Variants in ITK observed in about 807,000 individuals in gnomAD.
ITK encodes IL2 inducible T cell kinase.
A neutral mutation model predicts 87.6 loss-of-function variants in ITK; 45 were observed. That is an observed-to-expected ratio of 0.51 (90% CI 0.40 to 0.66). ITK has a LOEUF of 0.66. Ranked by LOEUF, ITK falls within the 30% of genes least tolerant of loss-of-function variation. The probability of loss-of-function intolerance (pLI) is 0.00; values close to 1 mark genes in which losing one functional copy is unlikely to be tolerated. For missense variants in ITK, 605 were observed against 766.3 expected, an observed-to-expected ratio of 0.79 and a Z score of 2.48; for synonymous variants, 303 against 273.6, an observed-to-expected ratio of 1.11 and a Z score of -1.06.
intron 4 of ITK, among the ~76,000 whole-genome samples, chr5:157,214,848 A>G (rs1754267304): frequency 6.6e-6 from 1 of 152,062 alleles, no homozygotes; most frequent in South Asian, 2.1e-4. Flanking sequence ...TTTACATTTT[A>G]CTCTGTGATT....
chr5:157,208,094 T>C (rs1031811145), intron 1 of ITK, among the ~76,000 whole-genome samples: 6 of 152,162 alleles, frequency 3.9e-5, no homozygotes, highest in Non-Finnish European at 8.8e-5. Flanking sequence ...GCTTCTTCCA[T>C]CCAGAAGCAC....
intron 1 of ITK, among the ~76,000 whole-genome samples, chr5:157,191,224 C>T (rs1753748147): frequency 6.6e-6 from 1 of 152,076 alleles, no homozygotes; most frequent in African/African-American, 2.4e-5. Context: ...ACTGCAACCT[C>T]CGCAGTGGTC....
At chr5:157,208,864 A>G in intron 1 of ITK, 25 bp from the exon 2 acceptor site, 2 of 1,483,892 alleles carry the variant, frequency 1.3e-6, no homozygotes, top group Middle Eastern at 1.7e-4. Context: ...TCTTACATGA[A>G]TGGGATGTTC....
chr5:157,198,263 A>G (rs1753890940), intron 1 of ITK, among the ~76,000 whole-genome samples: 1 of 152,222 alleles, frequency 6.6e-6, no homozygotes, highest in Non-Finnish European at 1.5e-5. Context: ...TTGCCCTCTG[A>G]AAACTGTATG....
chr5:157,198,984 T>G (rs1753906098), intron 1 of ITK, among the ~76,000 whole-genome samples: 1 of 152,194 alleles, frequency 6.6e-6, no homozygotes, highest in Non-Finnish European at 1.5e-5. Context: ...AGACTGTTGT[T>G]GAACTCCTGG....
chr5:157,214,315 G>T lies in ITK; in HGVS notation c.450G>T (p.Lys150Asn). 1 of 1,613,298 alleles carries T rather than the reference G, an allele frequency of 6.2e-7. No homozygotes were observed. The highest frequency in any genetic ancestry group is 1.1e-5 in the South Asian group (1 of 91,074). Reference protein sequence around the residue: ...ATGCAQYDPTKNASKKPLPPT... With the variant: ...ATGCAQYDPTNNASKKPLPPT... ...GCTGTGCCCAATATGATCCAACCAA[G>T]AATGGTAAGAGACTGGGAATTCCCT... is the stretch of plus-strand genomic sequence containing the variant. The change falls in exon 4 of 17, where the codon AAG (lysine) becomes AAT (asparagine). Residue 150 changes from lysine to asparagine, a missense_variant. Physicochemically the swap from Lys to Asn is moderately conservative, Grantham distance 94. This residue lies in a region of ITK where 464 missense variants were observed against 578.0 expected (regional missense o/e 0.80). Transcript: ENST00000422843.
Position 157,241,647 on chromosome 5 carries a change from C to A in ITK, c.987C>A (p.Gly329=), listed in dbSNP as rs1754909834. 4.3e-6 allele frequency: 7 copies of A among 1,613,228 alleles called. No homozygotes were observed. The highest frequency in any genetic ancestry group is 5.9e-6 in the Non-Finnish European group (7 of 1,179,256). Residue 329 remains glycine (G), a splice_region_variant and synonymous_variant, in exon 11 of 17, where the codon GGC becomes GGA. Transcript: ENST00000422843. The part of the protein sequence containing the change: ...LINYHQHNGG[G]LVTRLRYPVC... ...TTCTTGGCTTTTCAATCAACCCAGG[C>A]CTGGTGACTCGACTCCGGTATCCAG...
intron 4 of ITK, among the ~76,000 whole-genome samples, chr5:157,216,218 G>A (rs1754295381): frequency 6.6e-6 from 1 of 152,186 alleles, no homozygotes; most frequent in South Asian, 2.1e-4. Context: ...CGCAGCTTAT[G>A]GTCATCACCC....
In ITK at chr5:157,208,830, T is replaced by A; in HGVS notation, c.139-59T>A. The stretch of plus-strand genomic sequence containing the variant: ...ATCTAGCAGTAGATTTCTGGAGCAA[T>A]CTGGACAAAAATATTGTCTTCTTTC... On this transcript the variant is annotated intron_variant, in intron 1 of 16. Coordinates refer to ENST00000422843, the MANE Select transcript of ITK (RefSeq NM_005546.4). 17 of 1,233,530 alleles carry A rather than the reference T, an allele frequency of 1.4e-5. No individual in the cohort carries two copies. The South Asian group carries it at 2.0e-4, about 14-fold the overall frequency. The allele number at this position is 1,233,530 out of a possible 1,614,324, so 76.4% of individuals were successfully genotyped here. A position where few individuals can be genotyped will look rare whatever the true frequency, so the allele number is the denominator to read the frequency against.
At chr5:157,233,660 G>C (rs1356961112) in intron 8 of ITK, among the ~76,000 whole-genome samples, 1 of 152,098 alleles carries the variant, frequency 6.6e-6, no homozygotes, top group African/African-American at 2.4e-5. Context: ...CTGCCAGGCT[G>C]TGTTATTGGA....
intron 1 of ITK, chr5:157,195,697 C>T (rs1753838970): frequency 6.6e-6 from 1 of 152,168 alleles, no homozygotes; most frequent in South Asian, 2.1e-4. Flanking sequence ...TTCTTTTCTT[C>T]CTTTTTAAAT....
chr5:157,225,781 G>A (rs978521875), intron 6 of ITK, among the ~76,000 whole-genome samples: 4 of 152,260 alleles, frequency 2.6e-5, no homozygotes, highest in African/African-American at 7.2e-5. Flanking sequence ...GCCCATATCC[G>A]AAATAGGTTC....
At chr5:157,194,946 T>A (rs1362068576) in intron 1 of ITK, 1 of 148,508 alleles carries the variant, frequency 6.7e-6, no homozygotes, top group African/African-American at 2.4e-5. Flanking sequence ...TTCATTATAA[T>A]TTGCTTTTAA....
At chr5:157,224,110 C>G (rs1754483637) in intron 6 of ITK, among the ~76,000 whole-genome samples, 1 of 151,866 alleles carries the variant, frequency 6.6e-6, no homozygotes, top group Non-Finnish European at 1.5e-5. Flanking sequence ...ATGGTGAAAC[C>G]CTGTCTCTAC....
intron 1 of ITK, among the ~76,000 whole-genome samples, chr5:157,186,694 G>C (rs1174990551): frequency 6.8e-6 from 1 of 146,776 alleles, no homozygotes; most frequent in Admixed American, 6.6e-5. Flanking sequence ...GAGAGAGAGA[G>C]AGAGAGAGAG....
At position 157,248,977 on chromosome 5, in the gene ITK, C is replaced by A; in HGVS notation, c.1761C>A (p.Val587=). 6.2e-7 allele frequency: 1 copy of A among 1,613,928 alleles called. No individual in the cohort carries two copies. Among genetic ancestry groups the A allele is most frequent in the South Asian group, 1.1e-5 (1 of 91,076 alleles). Residue 587 remains valine, a synonymous_variant, in exon 16 of 17, where the codon GTC becomes GTA. Transcript: ENST00000422843. ...LYKPRLASTH[V]YQIMNHCWKE... is the part of the protein sequence containing the mutation. ...AGCCCCGGCTGGCCTCCACACACGT[C>A]TACCAGATTATGAATCACTGCTGGA...
rs745735489 is a variant in ITK at position 157,231,591 on chromosome 5, C to T, written c.714-749C>T. ...TTCCTTCCCTACCCAGAACTTCTCT[C>T]CTCCTGCATTTATTAATTTTCAAAA... On this transcript the variant is annotated intron_variant, in intron 7 of 16. Transcript: ENST00000422843. Among the ~76,000 whole-genome samples the T allele has an allele frequency of 3.3e-5, 5 of 152,262 alleles. No individual in the cohort carries two copies. In the South Asian group the frequency reaches 8.3e-4, roughly 25 times the overall value.
rs750585884 is a variant in ITK at position 157,238,150 on chromosome 5, A to G, written c.810A>G (p.Ala270=). The change falls in exon 9 of 17, where the codon GCA becomes GCG. Residue 270 remains alanine (A), a synonymous_variant. Coordinates refer to ENST00000422843, the MANE Select transcript of ITK (RefSeq NM_005546.4). Reference sequence around the variant, plus strand: ...TCATGGTAAGGGATTCCAGGACTGCAGGAACATACACCGTGTCTGTTTTCA... The same window carrying G: ...TCATGGTAAGGGATTCCAGGACTGCGGGAACATACACCGTGTCTGTTTTCA... The part of the protein sequence containing the change: ...GAFMVRDSRT[A]GTYTVSVFTK... 11 of 1,613,978 alleles carry G rather than the reference A, an allele frequency of 6.8e-6. 1 individual carries two copies. The highest frequency in any genetic ancestry group is 6.7e-5 in the East Asian group (3 of 44,870).
At chr5:157,228,041 A>C (rs1424422645) in intron 6 of ITK, among the ~76,000 whole-genome samples, 1 of 151,762 alleles carries the variant, frequency 6.6e-6, no homozygotes, top group Non-Finnish European at 1.5e-5. Flanking sequence ...GGGTTTCAGC[A>C]TATTGGCCAG....
Sources: gnomAD v4.1 joint callset for allele counts (sites outside exome capture counted in the v4.1 genomes callset) on GRCh38, gnomAD v4.1.1 for gene constraint, gnomAD v4.1.1 regional missense constraint, MANE v1.5 for transcripts, NCBI Gene and HGNC (gene_info 2026-07-23, HGNC 2026-07-21) for gene names.